TNRC18: variants seen among roughly 807,000 people sequenced by gnomAD.
The protein encoded by TNRC18 is trinucleotide repeat containing 18.
Under a neutral mutation model 226.7 loss-of-function variants are expected in TNRC18, and 69 were observed. The observed-to-expected ratio is 0.30, with a 90% CI of 0.25 to 0.37. The LOEUF (loss-of-function observed/expected upper bound fraction) is 0.37. Ranked by LOEUF, TNRC18 falls within the 10% of genes least tolerant of loss-of-function variation. The pLI, the probability that TNRC18 is intolerant of heterozygous loss-of-function variation, is 1.00. For missense variants in TNRC18, 4,754 were observed against 4,256.6 expected (o/e 1.12, Z -3.25); for synonymous variants, 2,449 against 1,927.6 (o/e 1.27, Z -7.09).
chr7:5,362,084 C>G, intron 12 of TNRC18, 51 bp from the exon 13 acceptor site: 1 of 1,590,042 alleles, frequency 6.3e-7, no homozygotes, highest in Non-Finnish European at 8.6e-7. Flanking sequence ...CACTGCCTAA[C>G]GACGCCCACC....
In TNRC18 at chr7:5,363,548, A is replaced by C. The variant is rs112968245; in HGVS notation, c.4220-723T>G. On this transcript the variant is annotated intron_variant, in intron 11 of 29. Coordinates refer to ENST00000430969, the MANE Select transcript of TNRC18 (RefSeq NM_001080495.3). The stretch of plus-strand genomic sequence containing the variant: ...GAACCTGGGAGGCGGAGCTTGCAGT[A>C]AGCCGAGATGGCGCCACTGCACTCC... 2.0e-5 allele frequency among the ~76,000 whole-genome samples: 3 copies of C among 152,068 alleles called. No homozygotes were observed. In the Middle Eastern group the frequency reaches 0.01, roughly 517 times the overall value.
At chr7:5,332,390 G>A (rs1250274659) in intron 19 of TNRC18, among the ~76,000 whole-genome samples, 1 of 152,118 alleles carries the variant, frequency 6.6e-6, no homozygotes, top group East Asian at 1.9e-4. Flanking sequence ...CCATGATCAG[G>A]CCACTGCGCT....
chr7:5,309,283 G>A lies in TNRC18; in HGVS notation c.8474C>T (p.Ala2825Val), dbSNP rs778938185. ...GGGGCGGCCGGCAGAGAGGAACACG[G>A]CACAGTCCCCGATACGGATCATCTC... ...GKEMIRIGDC[A>V]VFLSAGRPNL... The change falls in exon 28 of 30, where the codon GCC (alanine) becomes GTC (valine). Residue 2825 changes from alanine (A) to valine (V), a missense_variant. Coordinates refer to ENST00000430969, the MANE Select transcript of TNRC18 (RefSeq NM_001080495.3). The surrounding 1 kb of genome is among the most constrained non-coding windows in gnomAD (Gnocchi z 5.7). 1 of 1,613,890 alleles carries A rather than the reference G, an allele frequency of 6.2e-7. No individual in the cohort carries two copies. Among genetic ancestry groups the A allele is most frequent in the East Asian group, 2.2e-5 (1 of 44,882 alleles).
intron 18 of TNRC18, among the ~76,000 whole-genome samples, chr7:5,340,811 G>A (rs575830473): frequency 2.6e-5 from 4 of 152,180 alleles, no homozygotes; most frequent in South Asian, 2.1e-4. Context: ...ATAAGCAGCC[G>A]GTGTTGATGG....
At chr7:5,399,284 T>C (rs1780917631) in intron 2 of TNRC18, among the ~76,000 whole-genome samples, 1 of 152,174 alleles carries the variant, frequency 6.6e-6, no homozygotes, top group Admixed American at 6.5e-5. Flanking sequence ...ACCTGCGGTA[T>C]GGGGGTCTCC....
chr7:5,333,584 A>T (rs2128128329), intron 18 of TNRC18, among the ~76,000 whole-genome samples: 1 of 149,420 alleles, frequency 6.7e-6, no homozygotes, highest in African/African-American at 2.4e-5. Context: ...CACCCATTGC[A>T]CAGCCAAGGC....
At chr7:5,380,244 G>C (rs368216678) in intron 5 of TNRC18, among the ~76,000 whole-genome samples, 2 of 152,206 alleles carry the variant, frequency 1.3e-5, no homozygotes, top group East Asian at 3.8e-4. Flanking sequence ...CCAGGAGTTT[G>C]AGACCAATCT....
chr7:5,320,164 C>T (rs1788202236), intron 24 of TNRC18, 154 bp downstream of exon 24: 1 of 633,570 alleles, frequency 1.6e-6, no homozygotes, highest in Non-Finnish European at 2.8e-6. Flanking sequence ...TAAATGGTGC[C>T]TGGATCCAAT....
intron 18 of TNRC18, among the ~76,000 whole-genome samples, chr7:5,334,733 G>C (rs4720595): frequency 0.53 from 80,667 of 151,824 alleles, 22,709 homozygotes; most frequent in East Asian, 0.73. Context: ...AGTCCCCCCA[G>C]AGATCCACTG....
chr7:5,315,183 T>TG (rs1562482579), intron 25 of TNRC18, 35 bp from the exon 26 acceptor site: 1 of 1,593,812 alleles, frequency 6.3e-7, no homozygotes, highest in Non-Finnish European at 8.5e-7. Flanking sequence ...TCATCAGGCC[T>TG]GGGGTCCCCA....
chr7:5,345,517 G>GTCTCCCCCCCCC, intron 18 of TNRC18, 45 bp downstream of exon 18: 1 of 377,744 alleles, frequency 2.6e-6, no homozygotes, highest in Non-Finnish European at 4.8e-6. Flanking sequence ...AATGGCGTCC[G>GTCTCCCCCCCCC]CCCCTCCCAC....
At chr7:5,336,888 A>G (rs1465307668) in intron 18 of TNRC18, among the ~76,000 whole-genome samples, 1 of 152,248 alleles carries the variant, frequency 6.6e-6, no homozygotes, top group African/African-American at 2.4e-5. Context: ...CCAGCCTCAG[A>G]GACCTGTCAG....
At chr7:5,355,811 G>C (rs1315643869) in intron 16 of TNRC18, among the ~76,000 whole-genome samples, 2 of 152,278 alleles carry the variant, frequency 1.3e-5, no homozygotes, top group East Asian at 3.9e-4. Context: ...CCAGGAGCTC[G>C]AGGCTGCAGT....
Position 5,389,229 on chromosome 7 carries a change from A to T in TNRC18, c.595T>A (p.Ser199Thr). The T allele has an allele frequency of 7.5e-7, 1 of 1,337,462 alleles. No homozygotes were observed. The highest frequency in any genetic ancestry group is 9.6e-7 in the Non-Finnish European group (1 of 1,046,494). 82.8% of individuals were successfully genotyped at this position (1,337,462 alleles called of 1,614,324 possible). The part of the protein sequence containing the change: ...GHSSGAPAKG[S>T]SSRDGPAKER... ...TTGGCTGGACCGTCCCGCGACGACG[A>T]GCCTTTGGCCGGGGCGCCCGAGGAG... is the stretch of plus-strand genomic sequence containing the variant. The change falls in exon 5 of 30, where the codon TCG becomes ACG. Residue 199 changes from serine (S) to threonine (T), a missense_variant. Transcript: ENST00000430969.
chr7:5,396,050 A>AG (rs1284413110), intron 2 of TNRC18, among the ~76,000 whole-genome samples: 2 of 148,230 alleles, frequency 1.3e-5, no homozygotes, highest in Non-Finnish European at 3.0e-5. Context: ...GGGCACCTGT[A>AG]ATTTTAGCTA....
intron 3 of TNRC18, among the ~76,000 whole-genome samples, chr7:5,392,505 T>C (rs1780371792): frequency 6.6e-6 from 1 of 152,188 alleles, no homozygotes; most frequent in African/African-American, 2.4e-5. Flanking sequence ...TCCCAGCTAC[T>C]CAGGAGGCTG....
intron 25 of TNRC18, 63 bp from the exon 26 acceptor site, chr7:5,315,211 C>T: frequency 2.0e-6 from 3 of 1,537,994 alleles, no homozygotes; most frequent in East Asian, 2.3e-5. Flanking sequence ...GCTTCCAAGA[C>T]CCTGGTCTGT....
intron 18 of TNRC18, among the ~76,000 whole-genome samples, chr7:5,333,341 G>C (rs1030698727): frequency 5.9e-5 from 9 of 152,226 alleles, no homozygotes; most frequent in Non-Finnish European, 1.5e-5. Context: ...GTGACTTGTG[G>C]AAATCCCAGA....
At chr7:5,395,755 G>A (rs1780633920) in intron 2 of TNRC18, among the ~76,000 whole-genome samples, 1 of 152,206 alleles carries the variant, frequency 6.6e-6, no homozygotes, top group African/African-American at 2.4e-5. Flanking sequence ...ACTCTGGGAG[G>A]CCAAGGCAGG....
Sources: allele counts gnomAD v4.1 joint callset (sites outside exome capture counted in the v4.1 genomes callset), GRCh38; gene constraint gnomAD v4.1.1; non-coding constraint Gnocchi (gnomAD v3.1); transcripts MANE v1.5; gene names NCBI Gene and HGNC (gene_info 2026-07-23, HGNC 2026-07-21).